The following LPIN1 variants were observed in gnomAD, a reference collection of about 807,000 sequenced individuals.
The protein encoded by LPIN1 is lipin 1.
In LPIN1, 71 loss-of-function variants were observed where a neutral mutation model predicts 107.5. That is an observed-to-expected ratio of 0.66 (90% CI 0.55 to 0.80). The LOEUF (loss-of-function observed/expected upper bound fraction) is 0.80. Among genes scored for constraint, LPIN1 ranks in the 30% least tolerant of loss-of-function variants. LPIN1 has a pLI of 0.00. For synonymous variants in LPIN1, 445 were observed against 452.6 expected, an observed-to-expected ratio of 0.98 and a Z score of 0.21; for missense variants, 1,043 against 1,160.6, an observed-to-expected ratio of 0.90 and a Z score of 1.47.
intron 1 of LPIN1, chr2:11,681,575 A>G (rs921506694): frequency 1.3e-5 from 2 of 152,654 alleles, no homozygotes; most frequent in African/African-American, 4.8e-5. Context: ...TTCTTTATAA[A>G]TTACCCAGGT....
chr2:11,743,912 C>T (rs1025748564), upstream of LPIN1, among the ~76,000 whole-genome samples: 1 of 152,202 alleles, frequency 6.6e-6, no homozygotes, highest in African/African-American at 2.4e-5. The surrounding 1 kb of genome is among the most constrained non-coding windows in gnomAD (Gnocchi z 4.7). Flanking sequence ...CTGTCACCAG[C>T]TGGGCTCAGC....
intron 18 of LPIN1, chr2:11,818,787 C>A (rs1479458954): frequency 6.6e-6 from 1 of 152,058 alleles, no homozygotes; most frequent in African/African-American, 2.4e-5. Context: ...GTATTCCCTT[C>A]TATTCCTGGT....
At chr2:11,689,492 T>A (rs766735836) in intron 1 of LPIN1, among the ~76,000 whole-genome samples, 19 of 152,254 alleles carry the variant, frequency 1.2e-4, no homozygotes, top group Non-Finnish European at 2.8e-4. Context: ...TTTTCTTGAC[T>A]TCTGTTGAAT....
chr2:11,807,658 G>T (rs1049809562), intron 17 of LPIN1, among the ~76,000 whole-genome samples: 1 of 151,996 alleles, frequency 6.6e-6, no homozygotes, highest in Non-Finnish European at 1.5e-5. Context: ...AAACCTGTTT[G>T]TCTGGACCCG....
chr2:11,810,589 T>C (rs1416065238), intron 17 of LPIN1, among the ~76,000 whole-genome samples: 1 of 152,186 alleles, frequency 6.6e-6, no homozygotes, highest in Non-Finnish European at 1.5e-5. Flanking sequence ...CCCCTTAGGA[T>C]GGCAGATGGG....
At chr2:11,724,762 G>A (rs1215537157) in intron 1 of LPIN1, 2 of 362,540 alleles carry the variant, frequency 5.5e-6, no homozygotes, top group East Asian at 1.7e-4. Flanking sequence ...GGCAGTGACT[G>A]GAATTTGGGG....
Position 11,803,178 on chromosome 2 carries a change from G to C in LPIN1, c.2013+145G>C. ...GCAATCCCTCAACTGGGTACCCGCT[G>C]TTTCCACCCCAACTCCAGCACTATC... On this transcript the variant is annotated intron_variant, in intron 15 of 20. Coordinates refer to ENST00000674199, the MANE Select transcript of LPIN1 (RefSeq NM_001349206.2). The surrounding 1 kb of genome is among the most constrained non-coding windows in gnomAD (Gnocchi z 4.2). 9.1e-7 allele frequency: 1 copy of C among 1,099,060 alleles called. No homozygotes were observed. The allele number at this position is 1,099,060 out of a possible 1,614,324, so 68.1% of individuals were successfully genotyped here.
intron 1 of LPIN1, among the ~76,000 whole-genome samples, chr2:11,730,270 G>A (rs548889531): frequency 6.9e-4 from 105 of 152,246 alleles, no homozygotes; most frequent in African/African-American, 2.5e-3. Flanking sequence ...TTCCTGAGGA[G>A]CCCGCTGAGG....
upstream of LPIN1, among the ~76,000 whole-genome samples, chr2:11,743,445 C>T (rs1173978942): frequency 1.3e-5 from 2 of 152,178 alleles, no homozygotes; most frequent in Non-Finnish European, 2.9e-5. The surrounding 1 kb of genome is among the most constrained non-coding windows in gnomAD (Gnocchi z 4.7). Flanking sequence ...CCCAGGGGGC[C>T]CCATTCCACC....
intron 1 of LPIN1, among the ~76,000 whole-genome samples, chr2:11,748,339 C>T (rs1183451515): frequency 2.0e-5 from 3 of 152,182 alleles, no homozygotes; most frequent in Non-Finnish European, 2.9e-5. Flanking sequence ...GTCTGAGATG[C>T]GCCGAGGCCG....
At chr2:11,685,296 C>T (rs866663148) in intron 1 of LPIN1, among the ~76,000 whole-genome samples, 2 of 152,100 alleles carry the variant, frequency 1.3e-5, no homozygotes, top group African/African-American at 4.8e-5. Context: ...GGTGTGAGAG[C>T]GGTGTGGAGG....
At chr2:11,768,396 C>G (rs905173201) in intron 3 of LPIN1, among the ~76,000 whole-genome samples, 6 of 152,128 alleles carry the variant, frequency 3.9e-5, no homozygotes, top group African/African-American at 1.4e-4. Flanking sequence ...TATCGCCTCC[C>G]CTATACTCCA....
intron 11 of LPIN1, among the ~76,000 whole-genome samples, chr2:11,788,040 G>A (rs1572834065): frequency 6.6e-6 from 1 of 152,180 alleles, no homozygotes; most frequent in Non-Finnish European, 1.5e-5. Context: ...CTTAAGCCAT[G>A]GATGTTTTAC....
At chr2:11,769,561 C>T in intron 3 of LPIN1, among the ~76,000 whole-genome samples, 1 of 152,020 alleles carries the variant, frequency 6.6e-6, no homozygotes, top group Non-Finnish European at 1.5e-5. Flanking sequence ...TTCTTTGCAG[C>T]ACAATAGTTT....
At chr2:11,752,907 A>G (rs1193837842) in intron 1 of LPIN1, among the ~76,000 whole-genome samples, 1 of 152,130 alleles carries the variant, frequency 6.6e-6, no homozygotes, top group African/African-American at 2.4e-5. Flanking sequence ...ATAAATGTGG[A>G]ATTTTCTAAT....
At chr2:11,760,393 T>C (rs946034820) in intron 1 of LPIN1, among the ~76,000 whole-genome samples, 6 of 152,146 alleles carry the variant, frequency 3.9e-5, no homozygotes, top group Admixed American at 3.9e-4. Flanking sequence ...CTGGGCAACA[T>C]TGAGCACTGA....
At chr2:11,816,741 C>CTTTTTTTTTTTT (rs58385642) in intron 18 of LPIN1, 1 of 136,916 alleles carries the variant, frequency 7.3e-6, no homozygotes. Context: ...AATGACCTTC[C>CTTTTTTTTTTTT]TTTTTTTTTT....
intron 1 of LPIN1, among the ~76,000 whole-genome samples, chr2:11,693,801 TATATATATATATA>T: frequency 4.9e-5 from 1 of 20,344 alleles, no homozygotes; most frequent in Non-Finnish European, 1.3e-4. Flanking sequence ...TATATATATA[TATATATATATATA>T]TATATATATT....
upstream of LPIN1, among the ~76,000 whole-genome samples, chr2:11,742,657 CT>C (rs1228575367): frequency 1.3e-5 from 2 of 152,246 alleles, no homozygotes; most frequent in African/African-American, 4.8e-5. Flanking sequence ...GTTGAGGTCT[CT>C]TTCCCTGTCC....
Sources: allele counts gnomAD v4.1 joint callset (sites outside exome capture counted in the v4.1 genomes callset), GRCh38; gene constraint gnomAD v4.1.1; non-coding constraint Gnocchi (gnomAD v3.1); transcripts MANE v1.5; gene names NCBI Gene and HGNC (gene_info 2026-07-23, HGNC 2026-07-21).